The following SWI5 variants were observed in gnomAD, a reference collection of about 807,000 sequenced individuals.
SWI5 encodes the protein DNA repair protein SWI5 homolog.
A neutral mutation model predicts 17.0 loss-of-function variants in SWI5; 12 were observed. The observed-to-expected ratio is 0.71, with a 90% CI of 0.45 to 1.14. The LOEUF (loss-of-function observed/expected upper bound fraction) is 1.14, where lower values mean the gene tolerates loss of function less well. SWI5 is among the 50% of genes most tolerant of loss of function. The pLI, the probability that SWI5 is intolerant of heterozygous loss-of-function variation, is 0.00. For synonymous variants in SWI5, 61 were observed against 64.0 expected (o/e 0.95, Z 0.22); for missense variants, 158 against 162.2 (o/e 0.97, Z 0.14).
rs897353362 is a variant in SWI5, at chr9:128,285,293, G to A, written c.234-646G>A. On this transcript the variant is annotated intron_variant, in intron 3 of 4. Transcript: ENST00000418976. The surrounding 1 kb of genome is among the most constrained non-coding windows in gnomAD (Gnocchi z 4.8). The stretch of plus-strand genomic sequence containing the variant: ...GAAGGAAGGGAAAGGAAGGAAGGAA[G>A]GAAAGGAAGGAAGGAAGAAAGAAAG... Among the ~76,000 whole-genome samples the A allele has an allele frequency of 2.6e-5, 4 of 151,028 alleles. No homozygotes were observed. The highest frequency in any genetic ancestry group is 9.7e-5 in the African/African-American group (4 of 41,104).
upstream of SWI5, chr9:128,275,633 G>C: frequency 2.9e-6 from 2 of 698,802 alleles, no homozygotes; most frequent in Non-Finnish European, 4.5e-6. Context: ...GGACTTCGGG[G>C]GGCAGGAGGT....
At chr9:128,288,969 A>G (rs1312502464) in exon 5 of SWI5, 3 of 552,546 alleles carry the variant, frequency 5.4e-6, no homozygotes, top group Admixed American at 6.5e-5. Context: ...TTATTTGTCA[A>G]TAAACGTATC....
At chr9:128,278,520 T>C (rs1170377393) in intron 2 of SWI5, 1 of 396,558 alleles carries the variant, frequency 2.5e-6, no homozygotes, top group Non-Finnish European at 5.0e-6. Context: ...TGAGCCGAGA[T>C]CACCCTGCAC....
At chr9:128,277,738 G>T (rs1225472924) in intron 2 of SWI5, among the ~76,000 whole-genome samples, 1 of 152,188 alleles carries the variant, frequency 6.6e-6, no homozygotes, top group Non-Finnish European at 1.5e-5. Context: ...TGCAAAGAGG[G>T]CTCTCCAGAG....
At chr9:128,283,500 A>AAACAACAAC (rs71381749) in intron 2 of SWI5, among the ~76,000 whole-genome samples, 2 of 150,708 alleles carry the variant, frequency 1.3e-5, no homozygotes, top group African/African-American at 4.9e-5. Context: ...CCGTCTCCAA[A>AAACAACAAC]AACAACAACA....
At chr9:128,279,241 G>C (rs1831493495) in intron 2 of SWI5, among the ~76,000 whole-genome samples, 1 of 152,188 alleles carries the variant, frequency 6.6e-6, no homozygotes, top group African/African-American at 2.4e-5. Context: ...GCCCTACGGG[G>C]CTTGGTGGGC....
chr9:128,276,855 G>GC, intron 2 of SWI5, 100 bp downstream of exon 2: 2 of 1,276,202 alleles, frequency 1.6e-6, no homozygotes, highest in Non-Finnish European at 2.2e-6. Context: ...TCCCCGCTTG[G>GC]CCCTCTTCCA....
chr9:128,284,628 C>T, exon 3 of SWI5: 3 of 1,613,274 alleles, frequency 1.9e-6, no homozygotes, highest in South Asian at 1.1e-5. Context: ...CAGTTCGTAT[C>T]TGAGTAAGTT....
chr9:128,284,656 A>G, intron 3 of SWI5, 25 bp downstream of exon 3: 1 of 1,610,390 alleles, frequency 6.2e-7, no homozygotes, highest in Non-Finnish European at 8.5e-7. Flanking sequence ...GTTCCCCATC[A>G]TGGTTAAGAT....
intron 4 of SWI5, among the ~76,000 whole-genome samples, chr9:128,287,919 CAG>C (rs1831673469): frequency 6.6e-6 from 1 of 152,086 alleles, no homozygotes; most frequent in Non-Finnish European, 1.5e-5. Context: ...CAGCACTCTA[CAG>C]AGTGCTGAGG....
intron 4 of SWI5, 130 bp downstream of exon 4, chr9:128,286,163 G>T: frequency 1.5e-6 from 1 of 658,500 alleles, no homozygotes; most frequent in Non-Finnish European, 2.7e-6. Flanking sequence ...CCTGCTCCTA[G>T]GCTGCCCCAG....
upstream of SWI5, among the ~76,000 whole-genome samples, chr9:128,275,700 G>A (rs1360499013): frequency 6.6e-6 from 1 of 152,154 alleles, no homozygotes; most frequent in Non-Finnish European, 1.5e-5. Context: ...TCACCCGGGG[G>A]CGACTGGCGA....
At chr9:128,277,134 C>G (rs1263137772) in intron 2 of SWI5, among the ~76,000 whole-genome samples, 1 of 152,130 alleles carries the variant, frequency 6.6e-6, no homozygotes, top group Non-Finnish European at 1.5e-5. Flanking sequence ...TGGCGTTCAC[C>G]CTGGCCACTC....
chr9:128,277,154 CT>C (rs1411515443), intron 2 of SWI5, among the ~76,000 whole-genome samples: 1 of 152,146 alleles, frequency 6.6e-6, no homozygotes, highest in Non-Finnish European at 1.5e-5. Flanking sequence ...CCTTTCGTTG[CT>C]AATAGTCTCT....
At chr9:128,281,853 G>C (rs1831544715) in intron 2 of SWI5, among the ~76,000 whole-genome samples, 1 of 152,032 alleles carries the variant, frequency 6.6e-6, no homozygotes, top group South Asian at 2.1e-4. Flanking sequence ...TGTGAGGATT[G>C]CTCCAGCCCA....
chr9:128,285,966 C>A lies in SWI5; in HGVS notation c.261C>A (p.Asp87Glu). The A allele has an allele frequency of 6.2e-7, 1 of 1,614,092 alleles. No homozygotes were observed. The highest frequency in any genetic ancestry group is 8.5e-7 in the Non-Finnish European group (1 of 1,179,938). The change falls in exon 4 of 5, where the codon GAC becomes GAA. Residue 87 changes from aspartate to glutamate, a missense_variant. Physicochemically the swap from Asp to Glu is conservative, Grantham distance 45. Transcript: ENST00000418976. This position sits in a 1 kb window ranked among gnomAD's most constrained non-coding sequence, Gnocchi z 4.8. ...GCTACAGTGTGGATGAACTGGAGGA[C>A]CACATTACCCAGCTTCACGAGTACA... is the stretch of plus-strand genomic sequence containing the variant.
intron 2 of SWI5, among the ~76,000 whole-genome samples, chr9:128,281,912 A>C (rs1831545561): frequency 6.6e-6 from 1 of 152,174 alleles, no homozygotes; most frequent in African/African-American, 2.4e-5. Context: ...TCTCTACAAA[A>C]AAATAAAATT....
At chr9:128,288,920 GA>G in exon 5 of SWI5, 1 of 600,724 alleles carries the variant, frequency 1.7e-6, no homozygotes. Context: ...CAAGGTTCCT[GA>G]AATGTCGCAG....
chr9:128,288,732 C>T, exon 5 of SWI5: 2 of 1,613,970 alleles, frequency 1.2e-6, no homozygotes, highest in South Asian at 2.2e-5. Context: ...CTCATCGCCC[C>T]TTGTCCACAG....
Sources: gnomAD v4.1 joint callset for allele counts (sites outside exome capture counted in the v4.1 genomes callset) on GRCh38, gnomAD v4.1.1 for gene constraint, Gnocchi (gnomAD v3.1) non-coding constraint, MANE v1.5 for transcripts, NCBI Gene and HGNC (gene_info 2026-07-23, HGNC 2026-07-21) for gene names.